Variants in RIN3 observed in about 807,000 individuals in gnomAD.
The protein encoded by RIN3 is RAB5 interacting protein 3.
In RIN3, 54 loss-of-function variants were observed where a neutral mutation model predicts 76.3. The observed-to-expected ratio is 0.71, with a 90% confidence interval of 0.57 to 0.89. The LOEUF (loss-of-function observed/expected upper bound fraction) is 0.89. Ranked by LOEUF, RIN3 falls within the 40% of genes least tolerant of loss-of-function variation. The pLI, the probability that RIN3 is intolerant of heterozygous loss-of-function variation, is 0.00. For synonymous variants in RIN3, 576 were observed against 564.0 expected, an observed-to-expected ratio of 1.02 and a Z score of -0.30; for missense variants, 1,256 against 1,322.1, an observed-to-expected ratio of 0.95 and a Z score of 0.78.
In RIN3 at chr14:92,688,121, A is replaced by G; in HGVS notation, c.2827A>G (p.Ile943Val). ...QLADDALPHC[I>V]KGYLLRSEPK... ...GGCGGACGACGCGCTGCCGCACTGC[A>G]TCAAGGGCTACCTGCTGCGCAGCGA... The change falls in exon 10 of 10, where the codon ATC (isoleucine) becomes GTC (valine). Residue 943 changes from isoleucine to valine, a missense_variant. Physicochemically the swap from Ile to Val is conservative, Grantham distance 29. Around this residue, in one of 3 missense-constraint regions of RIN3, gnomAD observed 218 missense variants for 174.5 expected, o/e 1.25. Coordinates refer to ENST00000216487, the MANE Select transcript of RIN3 (RefSeq NM_024832.5). 6.2e-7 allele frequency: 1 copy of G among 1,609,732 alleles called. No individual in the cohort carries two copies. Among genetic ancestry groups the G allele is most frequent in the Non-Finnish European group, 8.5e-7 (1 of 1,178,706 alleles).
intron 2 of RIN3, chr14:92,576,210 T>G (rs1204138897): frequency 1.6e-6 from 2 of 1,257,006 alleles, no homozygotes; most frequent in East Asian, 1.1e-4. Context: ...ATGAGCTTGC[T>G]GAGACCTGCC....
intron 6 of RIN3, among the ~76,000 whole-genome samples, chr14:92,654,503 G>A (rs115717208): frequency 0.013 from 2,018 of 152,280 alleles, 39 homozygotes; most frequent in African/African-American, 0.045. Flanking sequence ...TGCTGGGTAC[G>A]GTAAAGGACA....
Position 92,652,139 on chromosome 14 carries a change from G to C in RIN3, c.1090G>C (p.Ala364Pro), listed in dbSNP as rs1887465879. Residue 364 changes from alanine (A) to proline (P), a missense_variant, in exon 6 of 10, where the codon GCC (alanine) becomes CCC (proline). By Grantham distance (27) the Ala-to-Pro change is conservative. Transcript: ENST00000216487. This position sits in a 1 kb window ranked among gnomAD's most constrained non-coding sequence, Gnocchi z 6.4. ...GGAGGAAGCGATGAAGCCAGGGGCAGCCTCCAGTCCCTTGCAGCAGGTCCC... is the reference window on the plus strand; with the variant it reads ...GGAGGAAGCGATGAAGCCAGGGGCACCCTCCAGTCCCTTGCAGCAGGTCCC... ...LREEAMKPGA[A>P]SSPLQQVPAP... 2.5e-6 allele frequency: 4 copies of C among 1,607,886 alleles called. No homozygotes were observed. The highest frequency in any genetic ancestry group is 3.4e-6 in the Non-Finnish European group (4 of 1,178,558).
rs1888957359 is a variant in RIN3 at position 92,688,279 on chromosome 14, C to T, written c.*27C>T. On this transcript the variant is annotated 3_prime_UTR_variant, in exon 10 of 10. Coordinates refer to ENST00000216487, the MANE Select transcript of RIN3 (RefSeq NM_024832.5). Reference sequence around the variant, plus strand: ...GCCCTCCCGGGGCGCCTCCCCTCACCCCCAGGCGCACGTCTGGCCCCGCCT... The same window carrying T: ...GCCCTCCCGGGGCGCCTCCCCTCACTCCCAGGCGCACGTCTGGCCCCGCCT... 2.6e-6 allele frequency: 4 copies of T among 1,514,442 alleles called. No homozygotes were observed. The highest frequency in any genetic ancestry group is 4.1e-5 in the Admixed American group (2 of 48,988). The allele number at this position is 1,514,442 out of a possible 1,614,324, so 93.8% of individuals were successfully genotyped here. A position where few individuals can be genotyped will look rare whatever the true frequency, so the allele number is the denominator to read the frequency against.
intron 1 of RIN3, among the ~76,000 whole-genome samples, chr14:92,532,461 A>G (rs1163283130): frequency 6.6e-6 from 1 of 152,136 alleles, no homozygotes; most frequent in Non-Finnish European, 1.5e-5. Context: ...CCATGGGGTC[A>G]TCTCATTTTA....
At chr14:92,658,006 C>G (rs529729480) in intron 6 of RIN3, among the ~76,000 whole-genome samples, 1 of 152,332 alleles carries the variant, frequency 6.6e-6, no homozygotes, top group South Asian at 2.1e-4. Context: ...CAAGACCCAT[C>G]CCCTGGAGAC....
chr14:92,531,150 G>T (rs541100481), intron 1 of RIN3, among the ~76,000 whole-genome samples: 1 of 152,260 alleles, frequency 6.6e-6, no homozygotes, highest in Non-Finnish European at 1.5e-5. Context: ...CACCGATGGG[G>T]TGGCTTACAA....
chr14:92,616,832 G>C (rs1595458948), intron 4 of RIN3, among the ~76,000 whole-genome samples: 1 of 152,134 alleles, frequency 6.6e-6, no homozygotes, highest in South Asian at 2.1e-4. Flanking sequence ...GGATACCTAT[G>C]CTGTCAAGAA....
intron 3 of RIN3, among the ~76,000 whole-genome samples, chr14:92,579,572 C>G (rs1300253764): frequency 1.3e-5 from 2 of 152,244 alleles, no homozygotes; most frequent in African/African-American, 4.8e-5. Context: ...ATATTCCAAG[C>G]ACTGGTTTAC....
In RIN3 at chr14:92,687,951, A is replaced by T; in HGVS notation, c.2657A>T (p.Glu886Val). Residue 886 changes from glutamate (E) to valine (V), a missense_variant, in exon 10 of 10, where the codon GAG becomes GTG. Physicochemically the swap from Glu to Val is moderately radical, Grantham distance 121 (BLOSUM62 -2). This residue lies in a region of RIN3 where 218 missense variants were observed against 174.5 expected (regional missense o/e 1.25). Coordinates refer to ENST00000216487, the MANE Select transcript of RIN3 (RefSeq NM_024832.5). ...VQDFICVSYL[E>V]PEQQARTLAS... Reference sequence around the variant, plus strand: ...GACTTCATCTGCGTGTCGTACCTGGAGCCCGAGCAGCAGGCGCGGACGCTG... The same window carrying T: ...GACTTCATCTGCGTGTCGTACCTGGTGCCCGAGCAGCAGGCGCGGACGCTG... 1 of 1,551,558 alleles carries T rather than the reference A, an allele frequency of 6.4e-7. No individual in the cohort carries two copies. Among genetic ancestry groups the T allele is most frequent in the Non-Finnish European group, 8.7e-7 (1 of 1,148,724 alleles).
At chr14:92,676,898 G>A (rs1357057623) in intron 8 of RIN3, among the ~76,000 whole-genome samples, 1 of 152,184 alleles carries the variant, frequency 6.6e-6, no homozygotes, top group Non-Finnish European at 1.5e-5. Context: ...GTCAGGGAAG[G>A]CTTCCTGGAG....
intron 4 of RIN3, among the ~76,000 whole-genome samples, chr14:92,630,988 A>C (rs1032966950): frequency 1.3e-5 from 2 of 151,896 alleles, no homozygotes; most frequent in African/African-American, 4.8e-5. Context: ...TGCCCTACAG[A>C]CTCCTCCAGA....
chr14:92,524,809 A>C (rs540413395), intron 1 of RIN3, among the ~76,000 whole-genome samples: 1 of 152,288 alleles, frequency 6.6e-6, no homozygotes, highest in Non-Finnish European at 1.5e-5. Context: ...GCTGTCTCCA[A>C]CCAAGGCTGT....
intron 1 of RIN3, among the ~76,000 whole-genome samples, chr14:92,544,518 A>G (rs1016255657): frequency 5.3e-5 from 8 of 150,586 alleles, no homozygotes; most frequent in Non-Finnish European, 8.8e-5. Context: ...CATCTTGATG[A>G]CCTTCCAACA....
At chr14:92,672,352 C>A (rs1343606787) in intron 7 of RIN3, among the ~76,000 whole-genome samples, 1 of 152,130 alleles carries the variant, frequency 6.6e-6, no homozygotes, top group Admixed American at 6.5e-5. Flanking sequence ...GTGAAGGTTG[C>A]GGTGAGCCGA....
chr14:92,611,260 G>A (rs1028624621), intron 3 of RIN3, among the ~76,000 whole-genome samples: 6 of 151,512 alleles, frequency 4.0e-5, no homozygotes, highest in East Asian at 1.9e-4. Flanking sequence ...CATTCCCTTC[G>A]CTGGGTCTGT....
At chr14:92,663,530 C>G (rs1366421545) in intron 7 of RIN3, among the ~76,000 whole-genome samples, 1 of 152,214 alleles carries the variant, frequency 6.6e-6, no homozygotes, top group African/African-American at 2.4e-5. Context: ...GGGTCTCCCC[C>G]AGAAACCAGT....
At chr14:92,665,075 C>T (rs1888039218) in intron 7 of RIN3, among the ~76,000 whole-genome samples, 1 of 152,190 alleles carries the variant, frequency 6.6e-6, no homozygotes, top group Non-Finnish European at 1.5e-5. Flanking sequence ...GTTGTGCAAA[C>T]ATTTTAGAGT....
chr14:92,614,467 A>G (rs1320939770), intron 3 of RIN3, among the ~76,000 whole-genome samples: 2 of 152,192 alleles, frequency 1.3e-5, no homozygotes, highest in Non-Finnish European at 2.9e-5. Flanking sequence ...TATTTTGTCA[A>G]AAATGATGAG....
Sources: allele counts gnomAD v4.1 joint callset (sites outside exome capture counted in the v4.1 genomes callset), GRCh38; gene constraint gnomAD v4.1.1; regional missense constraint gnomAD v4.1.1; non-coding constraint Gnocchi (gnomAD v3.1); transcripts MANE v1.5; gene names NCBI Gene and HGNC (gene_info 2026-07-23, HGNC 2026-07-21).